SHANK2: variants seen among roughly 807,000 people sequenced by gnomAD.
The protein encoded by SHANK2 is SH3 and multiple ankyrin repeat domains 2.
SHANK2 carries 43 observed loss-of-function variants against 133.7 expected under a neutral mutation model. That is an observed-to-expected ratio of 0.32 (90% CI 0.25 to 0.41). The LOEUF is 0.41. SHANK2 is among the 10% of genes least tolerant of loss of function. The pLI, the probability that SHANK2 is intolerant of heterozygous loss-of-function variation, is 1.00. For missense variants in SHANK2, 1,994 were observed against 2,235.8 expected (o/e 0.89, Z 2.18); for synonymous variants, 1,017 against 952.8 (o/e 1.07, Z -1.24).
At chr11:70,562,714 CT>C (rs2059921038) in intron 17 of SHANK2, among the ~76,000 whole-genome samples, 1 of 152,142 alleles carries the variant, frequency 6.6e-6, no homozygotes, top group Non-Finnish European at 1.5e-5. Flanking sequence ...AGAATCTGCC[CT>C]TAAAATAAGG....
chr11:70,630,372 G>A (rs1269915629), intron 17 of SHANK2, among the ~76,000 whole-genome samples: 1 of 152,216 alleles, frequency 6.6e-6, no homozygotes, highest in African/African-American at 2.4e-5. Context: ...AGGCTGCCCA[G>A]GCAGAGGCGG....
chr11:71,138,512 C>A (rs553514470), intron 3 of SHANK2, among the ~76,000 whole-genome samples: 1 of 152,196 alleles, frequency 6.6e-6, no homozygotes, highest in South Asian at 2.1e-4. Flanking sequence ...CGGGCCAAGG[C>A]CACTTTGGAA....
intron 17 of SHANK2, among the ~76,000 whole-genome samples, chr11:70,592,446 T>C (rs1554988280): frequency 6.6e-6 from 1 of 152,058 alleles, no homozygotes; most frequent in Admixed American, 6.6e-5. Context: ...ACCAATCTGA[T>C]GCAGCCAACA....
chr11:70,771,210 A>AC (rs1397582638), intron 14 of SHANK2, among the ~76,000 whole-genome samples: 8 of 152,178 alleles, frequency 5.3e-5, no homozygotes, highest in Admixed American at 1.3e-4. Context: ...TACAGGCATG[A>AC]CCCACGGCCT....
chr11:70,484,481 A>T (rs2058774863), intron 25 of SHANK2, among the ~76,000 whole-genome samples: 1 of 152,116 alleles, frequency 6.6e-6, no homozygotes, highest in African/African-American at 2.4e-5. Context: ...AGAAGCCAAC[A>T]TCATGCTTCC....
chr11:71,081,578 C>T (rs1159924757), intron 8 of SHANK2, among the ~76,000 whole-genome samples: 2 of 152,114 alleles, frequency 1.3e-5, no homozygotes, highest in African/African-American at 4.8e-5. Context: ...GTGCTGGTCT[C>T]GGGGTCTTCA....
chr11:70,678,532 C>CT (rs34446408), intron 15 of SHANK2, among the ~76,000 whole-genome samples: 5,186 of 77,014 alleles, frequency 0.067, 455 homozygotes, highest in Middle Eastern at 0.12. Flanking sequence ...TAAGAACAGG[C>CT]TTTTTTTTTT....
At chr11:71,191,099 A>T (rs1404974822) in intron 2 of SHANK2, among the ~76,000 whole-genome samples, 1 of 152,022 alleles carries the variant, frequency 6.6e-6, no homozygotes, top group Non-Finnish European at 1.5e-5. Flanking sequence ...TGAGCTCAAG[A>T]GGTCAAGGCT....
chr11:70,655,174 C>T (rs11237086), intron 17 of SHANK2, among the ~76,000 whole-genome samples: 5,040 of 152,300 alleles, frequency 0.033, 288 homozygotes, highest in African/African-American at 0.12. Context: ...TTTATGGCAA[C>T]TTAGGCTTTC....
chr11:70,797,425 C>T (rs1947937527), intron 14 of SHANK2, among the ~76,000 whole-genome samples: 2 of 152,202 alleles, frequency 1.3e-5, no homozygotes, highest in South Asian at 4.1e-4. Flanking sequence ...GAAGCTGATG[C>T]ACGAACTGAG....
chr11:70,825,373 T>C (rs1431165053), intron 11 of SHANK2, among the ~76,000 whole-genome samples: 3 of 152,076 alleles, frequency 2.0e-5, no homozygotes, highest in East Asian at 1.9e-4. Flanking sequence ...CAGACAAAGG[T>C]TGTTATTTAT....
chr11:70,900,989 TA>T (rs1390206477), intron 10 of SHANK2, among the ~76,000 whole-genome samples: 1 of 152,134 alleles, frequency 6.6e-6, no homozygotes, highest in Non-Finnish European at 1.5e-5. Context: ...GTGAAAAGAA[TA>T]CTCACAGCAG....
At chr11:70,867,899 T>C (rs1203205967) in intron 11 of SHANK2, among the ~76,000 whole-genome samples, 3 of 152,232 alleles carry the variant, frequency 2.0e-5, no homozygotes, top group African/African-American at 7.2e-5. Context: ...TGTTTGCCTC[T>C]GTCTGGACTT....
intron 9 of SHANK2, among the ~76,000 whole-genome samples, chr11:71,060,705 C>T (rs1052961180): frequency 2.2e-4 from 33 of 152,222 alleles, no homozygotes; most frequent in Non-Finnish European, 3.4e-4. Flanking sequence ...GGCAAAGCCA[C>T]GTGTGAGGCT....
In SHANK2 at chr11:71,206,972, G is replaced by A. The variant is rs1591019999; in HGVS notation, c.-13+17725C>T. 2.6e-5 allele frequency among the ~76,000 whole-genome samples: 4 copies of A among 152,184 alleles called. 1 individual carries two copies. In the South Asian group the frequency reaches 8.3e-4, roughly 32 times the overall value. ...ATGGTTGTGCATGCCTGTAGTCCCA[G>A]CTCCTCAGGAAGGCGGGGAGTGAGG... On this transcript the variant is annotated intron_variant, in intron 2 of 25. Coordinates refer to ENST00000601538, the MANE Select transcript of SHANK2 (RefSeq NM_012309.5).
At chr11:71,107,465 C>T (rs953709641) in intron 6 of SHANK2, among the ~76,000 whole-genome samples, 1 of 152,162 alleles carries the variant, frequency 6.6e-6, no homozygotes, top group Non-Finnish European at 1.5e-5. Flanking sequence ...GTAAACCAGC[C>T]CAGAGGCTTG....
chr11:70,730,782 T>C (rs183976316), intron 14 of SHANK2, among the ~76,000 whole-genome samples: 1 of 151,836 alleles, frequency 6.6e-6, no homozygotes, highest in Admixed American at 6.6e-5. Context: ...CTTCCCAAAG[T>C]GGCGTCTGCT....
chr11:70,747,764 CATGT>C (rs1435302371), intron 14 of SHANK2, among the ~76,000 whole-genome samples: 19 of 152,308 alleles, frequency 1.2e-4, no homozygotes, highest in African/African-American at 4.3e-4. Context: ...CACGTGTGTG[CATGT>C]ATGCCACATG....
intron 25 of SHANK2, among the ~76,000 whole-genome samples, chr11:70,476,141 T>C (rs1293545259): frequency 6.6e-6 from 1 of 151,942 alleles, no homozygotes; most frequent in Non-Finnish European, 1.5e-5. Flanking sequence ...GGCAGGAGAA[T>C]TGCTTGAACC....
Sources: allele counts gnomAD v4.1 joint callset (sites outside exome capture counted in the v4.1 genomes callset), GRCh38; gene constraint gnomAD v4.1.1; transcripts MANE v1.5; gene names NCBI Gene and HGNC (gene_info 2026-07-23, HGNC 2026-07-21).